Variants in SH3RF2 observed in about 807,000 individuals in gnomAD.
The protein encoded by SH3RF2 is E3 ubiquitin-protein ligase SH3RF2.
SH3RF2 carries 43 observed loss-of-function variants against 59.0 expected under a neutral mutation model. The ratio of observed to expected loss-of-function variants is 0.73; its 90% CI spans 0.57 to 0.94. The LOEUF is 0.94. Among genes scored for constraint, SH3RF2 ranks in the 40% least tolerant of loss-of-function variants. SH3RF2 has a pLI of 0.00. For synonymous variants in SH3RF2, 391 were observed against 391.5 expected, an observed-to-expected ratio of 1.00 and a Z score of 0.01; for missense variants, 930 against 940.1, an observed-to-expected ratio of 0.99 and a Z score of 0.14.
At chr5:145,975,428 A>G (rs530407804) in intron 2 of SH3RF2, among the ~76,000 whole-genome samples, 1 of 152,354 alleles carries the variant, frequency 6.6e-6, no homozygotes, top group South Asian at 2.1e-4. Context: ...AAGCCTCCTC[A>G]TGCAGACACA....
intron 2 of SH3RF2, among the ~76,000 whole-genome samples, chr5:145,946,636 C>A (rs1267605643): frequency 6.6e-6 from 1 of 152,102 alleles, no homozygotes; most frequent in Non-Finnish European, 1.5e-5. Flanking sequence ...ATACAGTGGG[C>A]CAGCTTCAAG....
intron 1 of SH3RF2, 40 bp from the exon 2 acceptor site, chr5:145,937,783 A>G: frequency 1.1e-6 from 1 of 889,452 alleles, no homozygotes. Flanking sequence ...CTCTCGGAGC[A>G]GTCACATTTT....
intron 5 of SH3RF2, among the ~76,000 whole-genome samples, chr5:146,028,207 C>CAGAG (rs1266269940): frequency 1.6e-4 from 23 of 143,302 alleles, no homozygotes; most frequent in African/African-American, 5.4e-4. Context: ...CACACACACA[C>CAGAG]ACAGAGATAA....
chr5:146,032,157 T>C (rs1761766352), intron 5 of SH3RF2, among the ~76,000 whole-genome samples: 1 of 152,164 alleles, frequency 6.6e-6, no homozygotes, highest in African/African-American at 2.4e-5. Context: ...ACCTGCCATC[T>C]CCCTAGAATA....
chr5:145,955,017 C>A (rs958318305), intron 2 of SH3RF2, among the ~76,000 whole-genome samples: 1 of 152,124 alleles, frequency 6.6e-6, no homozygotes, highest in Non-Finnish European at 1.5e-5. Flanking sequence ...GCAAACCATT[C>A]ATAAGAAATC....
intron 5 of SH3RF2, among the ~76,000 whole-genome samples, chr5:146,021,298 C>T (rs747432022): frequency 3.3e-5 from 5 of 152,142 alleles, no homozygotes; most frequent in Non-Finnish European, 5.9e-5. Flanking sequence ...AGGTAATTTA[C>T]AGAGATAAAT....
At chr5:146,021,792 G>T (rs962846517) in intron 5 of SH3RF2, among the ~76,000 whole-genome samples, 3 of 152,104 alleles carry the variant, frequency 2.0e-5, no homozygotes, top group Admixed American at 2.0e-4. Context: ...GAGAAACCAT[G>T]GCAGTCTTAG....
At chr5:146,008,008 G>A (rs1760717187) in intron 4 of SH3RF2, among the ~76,000 whole-genome samples, 2 of 152,194 alleles carry the variant, frequency 1.3e-5, no homozygotes, top group Admixed American at 1.3e-4. Flanking sequence ...CATGATGTGT[G>A]TATGTGTGCA....
chr5:145,939,905 G>C (rs936691628), intron 2 of SH3RF2, among the ~76,000 whole-genome samples: 2 of 152,174 alleles, frequency 1.3e-5, no homozygotes, highest in Non-Finnish European at 2.9e-5. Flanking sequence ...GGAGGAGGCA[G>C]TTCCCTTATC....
At chr5:145,998,556 A>T (rs1406293805) in intron 2 of SH3RF2, among the ~76,000 whole-genome samples, 3 of 152,164 alleles carry the variant, frequency 2.0e-5, no homozygotes, top group African/African-American at 7.2e-5. Flanking sequence ...GTTTTGGACC[A>T]CCACAATAAA....
chr5:146,048,973 A>T (rs1279420009), intron 6 of SH3RF2, 102 bp from the exon 7 acceptor site: 1 of 1,390,110 alleles, frequency 7.2e-7, no homozygotes. Context: ...GAAGGTTCTT[A>T]TTGCTAACCA....
intron 2 of SH3RF2, among the ~76,000 whole-genome samples, chr5:145,963,276 ATG>A (rs1758707345): frequency 6.6e-6 from 1 of 150,974 alleles, no homozygotes; most frequent in African/African-American, 2.4e-5. Context: ...GGATGGATGG[ATG>A]GATGGATGGA....
At chr5:145,948,756 A>G (rs1346252905) in intron 2 of SH3RF2, among the ~76,000 whole-genome samples, 1 of 152,114 alleles carries the variant, frequency 6.6e-6, no homozygotes, top group Non-Finnish European at 1.5e-5. Flanking sequence ...CTCTGTCCCA[A>G]ACCCAGGTTG....
chr5:146,076,418 G>C (rs1375482221), intron 9 of SH3RF2, among the ~76,000 whole-genome samples: 1 of 152,110 alleles, frequency 6.6e-6, no homozygotes, highest in Non-Finnish European at 1.5e-5. Flanking sequence ...GGAGAGGCAG[G>C]ATATGTCTAA....
At chr5:145,945,250 A>T (rs541558452) in intron 2 of SH3RF2, among the ~76,000 whole-genome samples, 2 of 152,356 alleles carry the variant, frequency 1.3e-5, no homozygotes, top group African/African-American at 4.8e-5. Flanking sequence ...CAAAGAGTAC[A>T]TACTGTCTTA....
exon 10 of SH3RF2, chr5:146,079,154 T>C (rs1196641747): frequency 2.0e-5 from 3 of 152,162 alleles, no homozygotes; most frequent in Non-Finnish European, 4.4e-5. Context: ...ATATGAAAGA[T>C]ACCAAACTGC....
At chr5:145,979,187 C>A (rs1398544757) in intron 2 of SH3RF2, among the ~76,000 whole-genome samples, 1 of 152,172 alleles carries the variant, frequency 6.6e-6, no homozygotes, top group Non-Finnish European at 1.5e-5. Context: ...ATTACCATCA[C>A]CTGGGGGAAC....
intron 9 of SH3RF2, among the ~76,000 whole-genome samples, chr5:146,078,305 G>C (rs1451602943): frequency 6.6e-6 from 1 of 152,210 alleles, no homozygotes; most frequent in African/African-American, 2.4e-5. Context: ...AACAGATACT[G>C]TGTACCTCCT....
At chr5:146,074,085 G>A (rs1028295937) in intron 9 of SH3RF2, among the ~76,000 whole-genome samples, 5 of 142,706 alleles carry the variant, frequency 3.5e-5, no homozygotes, top group African/African-American at 1.4e-4. Flanking sequence ...TGTCGCCCAG[G>A]CTGGAGTACA....
Sources: allele counts gnomAD v4.1 joint callset (sites outside exome capture counted in the v4.1 genomes callset), GRCh38; gene constraint gnomAD v4.1.1; transcripts MANE v1.5; gene names NCBI Gene and HGNC (gene_info 2026-07-23, HGNC 2026-07-21).